The following KRR1 variants were observed in gnomAD, a reference collection of about 807,000 sequenced individuals.
The protein encoded by KRR1 is KRR1 small subunit processome component, also known as KRR1 small subunit processome component homolog.
In KRR1, 23 loss-of-function variants were observed where a neutral mutation model predicts 50.0. That is an observed-to-expected ratio of 0.46 (90% CI 0.33 to 0.65). The LOEUF is 0.65. Among genes scored for constraint, KRR1 ranks in the 30% least tolerant of loss-of-function variants. The pLI is 0.02. For synonymous variants in KRR1, 133 were observed against 146.3 expected (o/e 0.91, Z 0.66); for missense variants, 419 against 442.4 (o/e 0.95, Z 0.47).
Position 75,492,674 on chromosome 12 carries a change from C to T in KRR1, c.*7135G>A, listed in dbSNP as rs148584678. On this transcript the variant is annotated 3_prime_UTR_variant, in exon 10 of 10. Transcript: ENST00000229214. ...TTATAAACAATATTAAATTATAAAACTTACAACCAAAGTTATAATGCTTCC... is the reference window on the plus strand; with the variant it reads ...TTATAAACAATATTAAATTATAAAATTTACAACCAAAGTTATAATGCTTCC... 2 of 152,252 alleles carry T rather than the reference C, an allele frequency of 1.3e-5. No individual in the cohort carries two copies. Among genetic ancestry groups the T allele is most frequent in the African/African-American group, 4.8e-5 (2 of 41,538 alleles). The allele number at this position is 152,252 out of a possible 1,614,324, so 9.4% of individuals were successfully genotyped here.
rs1284138650 is a variant in KRR1, at chr12:75,491,972, C to T, written c.*7837G>A. 2 of 151,358 alleles carry T rather than the reference C, an allele frequency of 1.3e-5. No homozygotes were observed. The highest frequency in any genetic ancestry group is 4.9e-5 in the African/African-American group (2 of 41,112). 9.4% of individuals were successfully genotyped at this position (151,358 alleles called of 1,614,324 possible). ...AGTGCTGTAGGTGTGAAGGAGGAGACAAAGCGTCATTCTGAAGATGACAGC... is the reference window on the plus strand; with the variant it reads ...AGTGCTGTAGGTGTGAAGGAGGAGATAAAGCGTCATTCTGAAGATGACAGC... On this transcript the variant is annotated 3_prime_UTR_variant, in exon 10 of 10. Transcript: ENST00000229214.
chr12:75,507,547 G>A (rs1381716866), intron 2 of KRR1, among the ~76,000 whole-genome samples: 2 of 151,902 alleles, frequency 1.3e-5, no homozygotes, highest in Admixed American at 6.6e-5. Context: ...GAGTCTCTAT[G>A]AGTTTACAAA....
intron 5 of KRR1, 142 bp downstream of exon 5, chr12:75,506,174 T>C: frequency 1.7e-6 from 1 of 583,104 alleles, no homozygotes; most frequent in Non-Finnish European, 2.9e-6. Context: ...TTGAATTATA[T>C]GACATAAAAA....
intron 9 of KRR1, chr12:75,500,439 G>A (rs1283073667): frequency 1.3e-5 from 2 of 151,628 alleles, no homozygotes; most frequent in East Asian, 1.9e-4. Context: ...ATATCAAAAC[G>A]AAAATTTAAA....
rs35071517 is a variant in KRR1, at chr12:75,506,616, C to CAAAAAAAAAAAAAAAAAAAAAA, written c.394-8_394-7insTTTTTTTTTTTTTTTTTTTTTT. Reference sequence around the variant, plus strand: ...CCTGAAGAATTCGTACTGCCTTTTGCAAAAAAAAAAAAAAAAAGAAGACAT... The same window carrying CAAAAAAAAAAAAAAAAAAAAAA: ...CCTGAAGAATTCGTACTGCCTTTTGCAAAAAAAAAAAAAAAAAAAAAAAAAAAAAAAAAAAAAAAGAAGACAT... On this transcript the variant is annotated splice_polypyrimidine_tract_variant and splice_region_variant and intron_variant, in intron 3 of 9. Coordinates refer to ENST00000229214, the MANE Select transcript of KRR1 (RefSeq NM_007043.7). 4.4e-6 allele frequency: 6 copies of CAAAAAAAAAAAAAAAAAAAAAA among 1,372,772 alleles called. No individual in the cohort carries two copies. The African/African-American group carries it at 1.0e-4, about 23-fold the overall frequency. The allele number at this position is 1,372,772 out of a possible 1,614,324, so 85.0% of individuals were successfully genotyped here. A position where few individuals can be genotyped will look rare whatever the true frequency, so the allele number is the denominator to read the frequency against.
chr12:75,504,820 T>A (rs1341987040), intron 6 of KRR1, among the ~76,000 whole-genome samples: 2 of 152,058 alleles, frequency 1.3e-5, no homozygotes, highest in East Asian at 3.8e-4. Context: ...CATGAGATGT[T>A]CCAGATTTTA....
chr12:75,511,336 C>A (rs1443956764), intron 1 of KRR1, among the ~76,000 whole-genome samples, 177 bp downstream of exon 1: 1 of 152,220 alleles, frequency 6.6e-6, no homozygotes, highest in Non-Finnish European at 1.5e-5. Flanking sequence ...ACCTGGGTGG[C>A]ACCATATCGG....
Position 75,503,886 on chromosome 12 carries a change from T to A in KRR1, c.831+18A>T. On this transcript the variant is annotated intron_variant, in intron 7 of 9. Coordinates refer to ENST00000229214, the MANE Select transcript of KRR1 (RefSeq NM_007043.7). Reference sequence around the variant, plus strand: ...AAATAGATTCTCCTTCATATGAAGTTCTACATTTAGTACTAACCTGACTTT... The same window carrying A: ...AAATAGATTCTCCTTCATATGAAGTACTACATTTAGTACTAACCTGACTTT... The A allele has an allele frequency of 6.4e-7, 1 of 1,573,902 alleles. No homozygotes were observed. The highest frequency in any genetic ancestry group is 1.2e-5 in the South Asian group (1 of 85,512).
At position 75,491,091 on chromosome 12, in the gene KRR1, TAC is replaced by T. The variant is rs2046321162; in HGVS notation, c.*8716_*8717del. The T allele has an allele frequency of 6.6e-6, 1 of 152,234 alleles. No individual in the cohort carries two copies. The highest frequency in any genetic ancestry group is 1.5e-5 in the Non-Finnish European group (1 of 68,036). The allele number at this position is 152,234 out of a possible 1,614,324, so 9.4% of individuals were successfully genotyped here. ...TAGAAATCTGATCATACTGAAAATA[TAC>T]ATTTTCTATTTTTCACTTAAAATTA... On this transcript the variant is annotated 3_prime_UTR_variant, in exon 10 of 10. Transcript: ENST00000229214.
In KRR1 at chr12:75,490,972, A is replaced by G. The variant is rs1343812467; in HGVS notation, c.*8837T>C. ...CATTTACTTTTGACAGTTGTTTTTAAAACAGATATAGTTCCCACTTTGGGA... is the reference window on the plus strand; with the variant it reads ...CATTTACTTTTGACAGTTGTTTTTAGAACAGATATAGTTCCCACTTTGGGA... On this transcript the variant is annotated 3_prime_UTR_variant, in exon 10 of 10. Coordinates refer to ENST00000229214, the MANE Select transcript of KRR1 (RefSeq NM_007043.7). 2.0e-5 allele frequency: 3 copies of G among 153,606 alleles called. No individual in the cohort carries two copies. The highest frequency in any genetic ancestry group is 4.3e-5 in the Non-Finnish European group (3 of 69,024). 9.5% of individuals were successfully genotyped at this position (153,606 alleles called of 1,614,324 possible).
Position 75,498,989 on chromosome 12 carries a change from G to A in KRR1, c.*820C>T, listed in dbSNP as rs1181672664. 2.6e-6 allele frequency: 4 copies of A among 1,524,854 alleles called. No homozygotes were observed. The highest frequency in any genetic ancestry group is 2.3e-5 in the East Asian group (1 of 42,612). The allele number at this position is 1,524,854 out of a possible 1,614,324, so 94.5% of individuals were successfully genotyped here. On this transcript the variant is annotated 3_prime_UTR_variant, in exon 10 of 10. Transcript: ENST00000229214. ...GTTCTTTTGGACTAATACAATTCAG[G>A]AAAGAAAAAACCCAAAAACCAACCT...
Position 75,504,088 on chromosome 12 carries a change from A to C in KRR1, c.661-14T>G. On this transcript the variant is annotated splice_polypyrimidine_tract_variant and intron_variant, in intron 6 of 9. Coordinates refer to ENST00000229214, the MANE Select transcript of KRR1 (RefSeq NM_007043.7). ...AATCATTAAGCTCTTTAGTCATGCAACAAAGTAAAAATTTTTACTTTCCAA... is the reference window on the plus strand; with the variant it reads ...AATCATTAAGCTCTTTAGTCATGCACCAAAGTAAAAATTTTTACTTTCCAA... 32 of 1,577,330 alleles carry C rather than the reference A, an allele frequency of 2.0e-5. No individual in the cohort carries two copies. The highest frequency in any genetic ancestry group is 2.8e-5 in the Non-Finnish European group (32 of 1,161,520).
In KRR1 at chr12:75,508,365, TC is replaced by T; in HGVS notation, c.166del (p.Glu56ArgfsTer17). On this transcript the variant is annotated frameshift_variant, in exon 2 of 10. Coordinates refer to ENST00000229214, the MANE Select transcript of KRR1 (RefSeq NM_007043.7). LOFTEE classifies it high-confidence loss of function. ...GAACAAAGTTGCGAAACTGCTCTCC[TC>T]CAAAAGTCCTCTGGGATTGTCCTCT... ...SKEDNPRGLLEESSFATLFPK... is the reference protein window; with the variant it reads ...SKEDNPRGLLXESSFATLFPK... 1 of 1,613,570 alleles carries T rather than the reference TC, an allele frequency of 6.2e-7. No homozygotes were observed. Among genetic ancestry groups the T allele is most frequent in the Non-Finnish European group, 8.5e-7 (1 of 1,179,692 alleles).
chr12:75,501,843 A>G (rs764913182), intron 8 of KRR1, 27 bp from the exon 9 acceptor site: 23 of 1,562,896 alleles, frequency 1.5e-5, no homozygotes, highest in Non-Finnish European at 2.0e-5. Context: ...AAAATATATC[A>G]GTTAAATGTA....
chr12:75,511,039 T>C (rs965979497), intron 1 of KRR1, among the ~76,000 whole-genome samples: 1 of 152,210 alleles, frequency 6.6e-6, no homozygotes, highest in African/African-American at 2.4e-5. Flanking sequence ...CAAACAGGAA[T>C]TGATAATCTT....
chr12:75,508,215 T>G, intron 2 of KRR1, 59 bp downstream of exon 2: 1 of 1,310,286 alleles, frequency 7.6e-7, no homozygotes, highest in South Asian at 1.5e-5. Flanking sequence ...ATACATACAT[T>G]TAAAGGCATA....
At chr12:75,504,339 A>G (rs994483578) in intron 6 of KRR1, 1 of 228,348 alleles carries the variant, frequency 4.4e-6, no homozygotes, top group African/African-American at 2.3e-5. Flanking sequence ...TATTTCATTA[A>G]AACATTTAAA....
chr12:75,494,888 A>C lies in KRR1; in HGVS notation c.*4921T>G, dbSNP rs1187965511. ...CTCTAGCTATATAATGGGTATAAATAGACAACAGTAACTTCCTCATAGGGT... is the reference window on the plus strand; with the variant it reads ...CTCTAGCTATATAATGGGTATAAATCGACAACAGTAACTTCCTCATAGGGT... On this transcript the variant is annotated 3_prime_UTR_variant, in exon 10 of 10. Transcript: ENST00000229214. 6.6e-6 allele frequency: 1 copy of C among 152,246 alleles called. No individual in the cohort carries two copies. The highest frequency in any genetic ancestry group is 1.5e-5 in the Non-Finnish European group (1 of 68,040). The allele number at this position is 152,246 out of a possible 1,614,324, so 9.4% of individuals were successfully genotyped here.
intron 1 of KRR1, 118 bp downstream of exon 1, chr12:75,511,395 G>T (rs187726010): frequency 2.4e-6 from 2 of 841,308 alleles, no homozygotes; most frequent in Admixed American, 4.3e-5. Flanking sequence ...GATTATTCAG[G>T]TACTCAACTA....
Sources: allele counts gnomAD v4.1 joint callset (sites outside exome capture counted in the v4.1 genomes callset), GRCh38; gene constraint gnomAD v4.1.1; transcripts MANE v1.5; gene names NCBI Gene and HGNC (gene_info 2026-07-23, HGNC 2026-07-21).